The following KCNQ5 variants were observed in gnomAD, a reference collection of about 807,000 sequenced individuals.
The protein encoded by KCNQ5 is potassium voltage-gated channel subfamily Q member 5, also known as potassium voltage-gated channel subfamily KQT member 5.
Under a neutral mutation model 98.2 loss-of-function variants are expected in KCNQ5, and 30 were observed. That is an observed-to-expected ratio of 0.31 (90% CI 0.23 to 0.41). KCNQ5 has a LOEUF of 0.41. KCNQ5 is among the 10% of genes least tolerant of loss of function. The pLI, the probability that KCNQ5 is intolerant of heterozygous loss-of-function variation, is 1.00. For missense variants in KCNQ5, 835 were observed against 1,182.5 expected (o/e 0.71, Z 4.31); for synonymous variants, 458 against 449.4 (o/e 1.02, Z -0.24).
At chr6:72,958,282 A>C (rs1207256485) in intron 1 of KCNQ5, among the ~76,000 whole-genome samples, 3 of 152,202 alleles carry the variant, frequency 2.0e-5, no homozygotes, top group Non-Finnish European at 4.4e-5. Context: ...TGGGAAGATG[A>C]GTGGTTGATT....
At position 73,195,333 on chromosome 6, in the gene KCNQ5, A is replaced by G; in HGVS notation, c.2718A>G (p.Gly906=). Residue 906 remains glycine, a synonymous_variant, in exon 14 of 14, where the codon GGA becomes GGG. Coordinates refer to ENST00000370398, the MANE Select transcript of KCNQ5 (RefSeq NM_019842.4). ...TTGCATCAGACTCTCTAAGGACTGGAAGGTCACGATCATCTCAGAGCATTT... is the reference window on the plus strand; with the variant it reads ...TTGCATCAGACTCTCTAAGGACTGGGAGGTCACGATCATCTCAGAGCATTT... ...AAFASDSLRT[G]RSRSSQSICK... 1 of 1,614,164 alleles carries G rather than the reference A, an allele frequency of 6.2e-7. No individual in the cohort carries two copies. The highest frequency in any genetic ancestry group is 8.5e-7 in the Non-Finnish European group (1 of 1,180,028).
At chr6:72,758,633 C>T (rs979936838) in intron 1 of KCNQ5, among the ~76,000 whole-genome samples, 4 of 152,000 alleles carry the variant, frequency 2.6e-5, no homozygotes, top group Admixed American at 1.3e-4. Context: ...AACTAGGAAA[C>T]GGGTGAGAAC....
chr6:72,749,390 T>A lies in KCNQ5; in HGVS notation c.398+126803T>A, dbSNP rs76660818. ...GATAGGAATTATTACCAGTCAGAAA[T>A]ATGCTTTTGATGTCATTGGTTAGTC... On this transcript the variant is annotated intron_variant, in intron 1 of 13. Coordinates refer to ENST00000370398, the MANE Select transcript of KCNQ5 (RefSeq NM_019842.4). 5.9e-3 allele frequency among the ~76,000 whole-genome samples: 901 copies of A among 152,238 alleles called. 14 individuals are homozygous for A. The highest frequency in any genetic ancestry group is 0.02 in the African/African-American group (825 of 41,544).
chr6:72,668,503 G>T (rs1392142014), intron 1 of KCNQ5, among the ~76,000 whole-genome samples: 1 of 152,164 alleles, frequency 6.6e-6, no homozygotes, highest in Admixed American at 6.5e-5. Context: ...GGTAGATTTA[G>T]AAAAGTTTTT....
intron 1 of KCNQ5, among the ~76,000 whole-genome samples, chr6:72,753,192 G>GA (rs1771773167): frequency 6.6e-6 from 1 of 152,010 alleles, no homozygotes; most frequent in African/African-American, 2.4e-5. Context: ...CACATAACAG[G>GA]AATCATACAG....
intron 1 of KCNQ5, among the ~76,000 whole-genome samples, chr6:72,811,728 T>C (rs1292960996): frequency 1.3e-5 from 2 of 152,156 alleles, no homozygotes; most frequent in African/African-American, 2.4e-5. Context: ...TGGACTTCTG[T>C]TACCGGAAAG....
intron 1 of KCNQ5, among the ~76,000 whole-genome samples, chr6:72,665,712 C>T (rs980378729): frequency 6.6e-6 from 1 of 152,138 alleles, no homozygotes; most frequent in African/African-American, 2.4e-5. Flanking sequence ...TGTTTACCCT[C>T]GTTGGCACAG....
chr6:72,791,682 A>T (rs1388440067), intron 1 of KCNQ5, among the ~76,000 whole-genome samples: 2 of 152,204 alleles, frequency 1.3e-5, no homozygotes, highest in Non-Finnish European at 1.5e-5. Flanking sequence ...GGTGACGTAT[A>T]GAGAACAGAA....
At chr6:72,820,854 A>T (rs959020536) in intron 1 of KCNQ5, among the ~76,000 whole-genome samples, 31 of 152,200 alleles carry the variant, frequency 2.0e-4, no homozygotes, top group African/African-American at 7.5e-4. Flanking sequence ...GAAGTATTAT[A>T]AGAGTTGTCA....
chr6:72,738,693 A>G (rs574446674), intron 1 of KCNQ5, among the ~76,000 whole-genome samples: 1 of 152,304 alleles, frequency 6.6e-6, no homozygotes, highest in Non-Finnish European at 1.5e-5. Context: ...ACTGTGGCAC[A>G]TTCAGACAAT....
chr6:73,051,715 A>T, intron 3 of KCNQ5, among the ~76,000 whole-genome samples: 1 of 1,566 alleles, frequency 6.4e-4, no homozygotes, highest in East Asian at 0.083. Context: ...CAAAAAAAAA[A>T]AAAAAAAAAA....
At chr6:73,128,131 A>C (rs956191806) in intron 9 of KCNQ5, among the ~76,000 whole-genome samples, 1 of 152,260 alleles carries the variant, frequency 6.6e-6, no homozygotes, top group African/African-American at 2.4e-5. Context: ...ATATAGCTCA[A>C]CTGAGCAATA....
chr6:72,867,376 T>A (rs537377659), intron 1 of KCNQ5, among the ~76,000 whole-genome samples: 1 of 152,314 alleles, frequency 6.6e-6, no homozygotes, highest in South Asian at 2.1e-4. Context: ...CTTTCTTTGG[T>A]CTTAAGGTGC....
chr6:72,632,049 G>A (rs2098921089), intron 1 of KCNQ5, among the ~76,000 whole-genome samples: 1 of 152,112 alleles, frequency 6.6e-6, no homozygotes, highest in Admixed American at 6.5e-5. Flanking sequence ...AACCAAGGCA[G>A]GTTGGCTGAG....
intron 1 of KCNQ5, among the ~76,000 whole-genome samples, chr6:72,830,503 A>G (rs908942344): frequency 3.9e-5 from 6 of 152,246 alleles, no homozygotes; most frequent in South Asian, 2.1e-4. Flanking sequence ...CTATTTAATA[A>G]ATGGTGCTGG....
chr6:72,889,685 A>G (rs1778985684), intron 1 of KCNQ5, among the ~76,000 whole-genome samples: 1 of 152,200 alleles, frequency 6.6e-6, no homozygotes, highest in Non-Finnish European at 1.5e-5. Context: ...CAATTACCAA[A>G]TGGTAAGCTA....
At chr6:72,800,461 C>T (rs1334723972) in intron 1 of KCNQ5, among the ~76,000 whole-genome samples, 37 of 152,196 alleles carry the variant, frequency 2.4e-4, no homozygotes, top group African/African-American at 4.6e-4. Context: ...TCTGTGGGAT[C>T]GGTGGTGATA....
intron 1 of KCNQ5, among the ~76,000 whole-genome samples, chr6:72,827,067 A>G (rs966182139): frequency 6.6e-6 from 1 of 152,080 alleles, no homozygotes; most frequent in Non-Finnish European, 1.5e-5. Flanking sequence ...CATTCTTTTT[A>G]TGGCTGAATA....
chr6:73,096,011 G>A (rs1013977263), intron 5 of KCNQ5, among the ~76,000 whole-genome samples: 11 of 152,176 alleles, frequency 7.2e-5, no homozygotes, highest in Non-Finnish European at 1.6e-4. Context: ...TCCCACAACA[G>A]GTCGTCTGCA....
Sources: gnomAD v4.1 joint callset for allele counts (sites outside exome capture counted in the v4.1 genomes callset) on GRCh38, gnomAD v4.1.1 for gene constraint, MANE v1.5 for transcripts, NCBI Gene and HGNC (gene_info 2026-07-23, HGNC 2026-07-21) for gene names.